Variants in NRG3 observed in about 807,000 individuals in gnomAD.
NRG3 encodes the protein neuregulin 3, also known as pro-neuregulin-3, membrane-bound isoform.
Under a neutral mutation model 66.9 loss-of-function variants are expected in NRG3, and 31 were observed. That is an observed-to-expected ratio of 0.46 (90% CI 0.35 to 0.63). The LOEUF is 0.63. Ranked by LOEUF, NRG3 falls within the 20% of genes least tolerant of loss-of-function variation. The pLI, the probability that NRG3 is intolerant of heterozygous loss-of-function variation, is 0.00. For missense variants in NRG3, 910 were observed against 878.9 expected (o/e 1.04, Z -0.45); for synonymous variants, 393 against 359.4 (o/e 1.09, Z -1.06).
At chr10:82,925,895 A>C in intron 4 of NRG3, among the ~76,000 whole-genome samples, 1 of 152,212 alleles carries the variant, frequency 6.6e-6, no homozygotes, top group East Asian at 1.9e-4. Context: ...GCCCAGGCTA[A>C]TGCAACTAGC....
intron 1 of NRG3, among the ~76,000 whole-genome samples, chr10:82,268,528 A>AT (rs2078423684): frequency 6.6e-6 from 1 of 152,120 alleles, no homozygotes. Context: ...ATCGCAAAAT[A>AT]TTTTTAAATC....
rs11193082 is a variant in NRG3, at chr10:82,229,397, C to G, written c.824-129342C>G. Reference sequence around the variant, plus strand: ...TGTCTCAAAGCAGACATTTGGGAAACAGAAATTCAGGAAGAAATATAGCAA... The same window carrying G: ...TGTCTCAAAGCAGACATTTGGGAAAGAGAAATTCAGGAAGAAATATAGCAA... On this transcript the variant is annotated intron_variant, in intron 1 of 8. Transcript: ENST00000372141. Among the ~76,000 whole-genome samples, 1,432 of 152,010 alleles carry G rather than the reference C, an allele frequency of 9.4e-3. 8 individuals carry two copies. Among genetic ancestry groups the G allele is most frequent in the South Asian group, 0.053 (257 of 4,808 alleles).
intron 1 of NRG3, among the ~76,000 whole-genome samples, chr10:82,236,195 C>CT (rs1251211698): frequency 6.6e-6 from 1 of 152,170 alleles, no homozygotes; most frequent in African/African-American, 2.4e-5. Flanking sequence ...ATTTCCTCAT[C>CT]TTTTAAATGT....
chr10:82,892,533 G>T (rs1164630882), intron 4 of NRG3, among the ~76,000 whole-genome samples: 1 of 151,986 alleles, frequency 6.6e-6, no homozygotes, highest in African/African-American at 2.4e-5. Context: ...ATGAGTGGTG[G>T]CACAGGCCTG....
chr10:82,197,850 C>T (rs2074527586), intron 1 of NRG3, among the ~76,000 whole-genome samples: 1 of 152,094 alleles, frequency 6.6e-6, no homozygotes, highest in South Asian at 2.1e-4. Flanking sequence ...TTTCTTATTT[C>T]CCAAATATGT....
chr10:81,998,914 T>G (rs1394616039), intron 1 of NRG3, among the ~76,000 whole-genome samples: 2 of 152,166 alleles, frequency 1.3e-5, no homozygotes, highest in African/African-American at 4.8e-5. Flanking sequence ...CCTCCCAGGT[T>G]CCACTGATTC....
chr10:81,878,222 T>C, intron 1 of NRG3: 1 of 722,830 alleles, frequency 1.4e-6, no homozygotes, highest in South Asian at 2.0e-5. Flanking sequence ...AATCTGTAAA[T>C]GGTGTCAATG....
chr10:81,940,787 A>T (rs1848343297), intron 1 of NRG3, among the ~76,000 whole-genome samples: 1 of 152,122 alleles, frequency 6.6e-6, no homozygotes, highest in South Asian at 2.1e-4. Context: ...AAAGTGAAGA[A>T]TAGATAATGG....
chr10:82,234,832 C>G (rs1048634683), intron 1 of NRG3, among the ~76,000 whole-genome samples: 1 of 152,218 alleles, frequency 6.6e-6, no homozygotes, highest in African/African-American at 2.4e-5. Context: ...TACACTCCAC[C>G]TTACCTGCCA....
At chr10:82,507,259 G>C (rs79096931) in intron 2 of NRG3, among the ~76,000 whole-genome samples, 8,689 of 152,212 alleles carry the variant, frequency 0.057, 535 homozygotes, top group East Asian at 0.17. Flanking sequence ...TGGGTTCGCA[G>C]TGTAAAGCTC....
intron 1 of NRG3, among the ~76,000 whole-genome samples, chr10:82,306,323 A>G (rs908668469): frequency 2.6e-5 from 4 of 152,172 alleles, no homozygotes; most frequent in Non-Finnish European, 5.9e-5. Flanking sequence ...TGGAACGACT[A>G]TTAATAAAAT....
intron 2 of NRG3, among the ~76,000 whole-genome samples, chr10:82,459,100 A>G (rs901416215): frequency 6.6e-5 from 10 of 152,142 alleles, no homozygotes; most frequent in African/African-American, 2.4e-4. Flanking sequence ...CTCCTGTACC[A>G]TACCTTTAGG....
intron 2 of NRG3, among the ~76,000 whole-genome samples, chr10:82,440,854 A>C (rs2090399143): frequency 6.6e-6 from 1 of 152,176 alleles, no homozygotes; most frequent in South Asian, 2.1e-4. Flanking sequence ...TTGGTTGCAA[A>C]TGTATTTTAA....
intron 1 of NRG3, among the ~76,000 whole-genome samples, chr10:82,347,811 C>T (rs1222425304): frequency 1.3e-5 from 2 of 152,042 alleles, no homozygotes; most frequent in Non-Finnish European, 2.9e-5. Flanking sequence ...GATCCCTTTA[C>T]CATTATGTAA....
intron 7 of NRG3, among the ~76,000 whole-genome samples, chr10:82,978,421 T>A (rs1250871508): frequency 2.0e-5 from 3 of 152,226 alleles, no homozygotes; most frequent in Non-Finnish European, 4.4e-5. Flanking sequence ...TTGATTAAAA[T>A]CTGAGGTCGT....
rs189699182 is a variant in NRG3 at position 82,525,621 on chromosome 10, T to C, written c.953+166753T>C. Among the ~76,000 whole-genome samples, 453 of 151,882 alleles carry C rather than the reference T, an allele frequency of 3.0e-3. 3 individuals carry two copies. Among genetic ancestry groups the C allele is most frequent in the Non-Finnish European group, 4.8e-3 (324 of 67,768 alleles). On this transcript the variant is annotated intron_variant, in intron 2 of 8. Transcript: ENST00000372141. ...AAATTATTGCTGCAGATTTTTTTTC[T>C]AGGGTGAGGAACATCATGCAATAAT...
intron 1 of NRG3, among the ~76,000 whole-genome samples, chr10:81,956,631 A>G (rs1180918194): frequency 6.6e-6 from 1 of 152,116 alleles, no homozygotes. Context: ...GGTCCTGAAC[A>G]CCATCACCTC....
intron 1 of NRG3, among the ~76,000 whole-genome samples, chr10:82,233,212 A>G (rs1303026487): frequency 6.6e-6 from 1 of 152,158 alleles, no homozygotes; most frequent in Admixed American, 6.5e-5. Context: ...AAAATACAAA[A>G]AAATTAGCCG....
chr10:82,719,812 A>C (rs1336420336), intron 2 of NRG3, among the ~76,000 whole-genome samples: 2 of 152,014 alleles, frequency 1.3e-5, no homozygotes, highest in Admixed American at 1.3e-4. Context: ...GCCTTTATTA[A>C]ATTTTCTCAT....
Sources: gnomAD v4.1 joint callset for allele counts (sites outside exome capture counted in the v4.1 genomes callset) on GRCh38, gnomAD v4.1.1 for gene constraint, MANE v1.5 for transcripts, NCBI Gene and HGNC (gene_info 2026-07-23, HGNC 2026-07-21) for gene names.